Variants in CABIN1 observed in about 807,000 individuals in gnomAD.
CABIN1 encodes calcineurin-binding protein cabin-1.
Under a neutral mutation model 227.7 loss-of-function variants are expected in CABIN1, and 133 were observed. The observed-to-expected ratio is 0.58, with a 90% CI of 0.51 to 0.67. The LOEUF (loss-of-function observed/expected upper bound fraction) is 0.67, where lower values mean the gene tolerates loss of function less well. CABIN1 is among the 30% of genes least tolerant of loss of function. The pLI, the probability that CABIN1 is intolerant of heterozygous loss-of-function variation, is 0.00. For missense variants in CABIN1, 2,408 were observed against 2,852.5 expected (o/e 0.84, Z 3.55); for synonymous variants, 1,086 against 1,155.1 (o/e 0.94, Z 1.21).
intron 23 of CABIN1, among the ~76,000 whole-genome samples, chr22:24,088,176 C>T (rs2147147385): frequency 6.6e-6 from 1 of 152,202 alleles, no homozygotes; most frequent in Middle Eastern, 3.4e-3. Context: ...CCCTTGGCTC[C>T]TTGAGATGGA....
chr22:24,059,860 A>G (rs1429379906), intron 11 of CABIN1, 64 bp from the exon 12 acceptor site: 2 of 1,408,354 alleles, frequency 1.4e-6, no homozygotes, highest in Non-Finnish European at 2.0e-6. Flanking sequence ...CCCAAAGTAA[A>G]TAGGAGACCC....
At chr22:24,077,579 G>A (rs1216658865) in intron 19 of CABIN1, among the ~76,000 whole-genome samples, 4 of 152,174 alleles carry the variant, frequency 2.6e-5, no homozygotes, top group African/African-American at 4.8e-5. Context: ...GAGGGCCTTT[G>A]GGATGCTCAC....
intron 26 of CABIN1, among the ~76,000 whole-genome samples, chr22:24,104,726 G>T (rs562931373): frequency 5.3e-5 from 8 of 152,338 alleles, no homozygotes; most frequent in African/African-American, 1.9e-4. Context: ...TCTGGTGGAC[G>T]TGTTCTTTTC....
chr22:24,177,185 C>CGACA lies in CABIN1; in HGVS notation c.6206-317_6206-314dup, dbSNP rs2047165756. ...GCATCCTAGGATGGTTGTGGAAATA[C>CGACA]GACAGTTCATGCAAGCATGATGCCT... is the stretch of plus-strand genomic sequence containing the variant. On this transcript the variant is annotated intron_variant, in intron 35 of 36. Transcript: ENST00000263119. This position sits in a 1 kb window ranked among gnomAD's most constrained non-coding sequence, Gnocchi z 4.4. 1.3e-5 allele frequency among the ~76,000 whole-genome samples: 2 copies of CGACA among 152,194 alleles called. No individual in the cohort carries two copies.
At chr22:24,034,554 T>A (rs2036727706) in intron 1 of CABIN1, among the ~76,000 whole-genome samples, 1 of 152,248 alleles carries the variant, frequency 6.6e-6, no homozygotes, top group South Asian at 2.1e-4. Flanking sequence ...TTAGAAATAA[T>A]GCCTCTGTGA....
At chr22:24,088,429 G>T (rs2041318211) in intron 23 of CABIN1, among the ~76,000 whole-genome samples, 1 of 152,134 alleles carries the variant, frequency 6.6e-6, no homozygotes, top group Non-Finnish European at 1.5e-5. Flanking sequence ...TCAACATAGT[G>T]AAACCCCATC....
At chr22:24,035,811 C>A (rs1386998519) in intron 2 of CABIN1, among the ~76,000 whole-genome samples, 1 of 152,036 alleles carries the variant, frequency 6.6e-6, no homozygotes, top group East Asian at 1.9e-4. Flanking sequence ...GCTGGGGTGT[C>A]CCCAGTGTCT....
rs962587249 is a variant in CABIN1 at position 24,177,165 on chromosome 22, C to A, written c.6206-339C>A. ...CATAGACACCAATAGGACATGCATC[C>A]TAGGATGGTTGTGGAAATACGACAG... On this transcript the variant is annotated intron_variant, in intron 35 of 36. Transcript: ENST00000263119. The surrounding 1 kb of genome is among the most constrained non-coding windows in gnomAD (Gnocchi z 4.4). Among the ~76,000 whole-genome samples the A allele has an allele frequency of 3.3e-5, 5 of 152,178 alleles. No homozygotes were observed. The highest frequency in any genetic ancestry group is 7.4e-5 in the Non-Finnish European group (5 of 67,998).
At chr22:24,062,343 C>T (rs1376445469) in intron 13 of CABIN1, among the ~76,000 whole-genome samples, 6 of 138,948 alleles carry the variant, frequency 4.3e-5, no homozygotes, top group Admixed American at 2.9e-4. Context: ...TCTGGTGATA[C>T]GGATTTTTTT....
intron 1 of CABIN1, among the ~76,000 whole-genome samples, chr22:24,016,586 A>G (rs1261914890): frequency 4.6e-5 from 7 of 152,230 alleles, no homozygotes. Context: ...TGCAGTTACA[A>G]ACAGTGCTGC....
chr22:24,128,174 C>T (rs1025759391), intron 28 of CABIN1, among the ~76,000 whole-genome samples: 2 of 152,016 alleles, frequency 1.3e-5, no homozygotes, highest in Admixed American at 6.6e-5. Flanking sequence ...TGCCTACTTT[C>T]TTTACACACA....
At chr22:24,050,673 C>T (rs1389727940) in intron 7 of CABIN1, 152 bp from the exon 8 acceptor site, 5 of 858,852 alleles carry the variant, frequency 5.8e-6, no homozygotes, top group African/African-American at 5.0e-5. Context: ...TATTTACTGC[C>T]CTACCCAGGC....
chr22:24,017,279 C>T (rs1033093421), intron 1 of CABIN1, among the ~76,000 whole-genome samples: 4 of 152,194 alleles, frequency 2.6e-5, no homozygotes, highest in African/African-American at 7.2e-5. Flanking sequence ...CCTCCTCATC[C>T]GCCTGCCTCA....
At chr22:24,172,802 G>T (rs558277467) in intron 34 of CABIN1, among the ~76,000 whole-genome samples, 1 of 152,328 alleles carries the variant, frequency 6.6e-6, no homozygotes, top group African/African-American at 2.4e-5. Flanking sequence ...GACACCAGCA[G>T]CTCTGGCAGC....
At chr22:24,063,444 T>C (rs894147810) in intron 14 of CABIN1, among the ~76,000 whole-genome samples, 2 of 152,196 alleles carry the variant, frequency 1.3e-5, no homozygotes, top group Non-Finnish European at 2.9e-5. Flanking sequence ...CAAGATTGCC[T>C]TGGCATCTTG....
chr22:24,112,053 A>C (rs1180980705), intron 26 of CABIN1, among the ~76,000 whole-genome samples: 1 of 152,100 alleles, frequency 6.6e-6, no homozygotes. Flanking sequence ...TATTAATCTT[A>C]GTTATTTTAA....
rs567211319 is a variant in CABIN1 at position 24,016,242 on chromosome 22, A to C, written c.-75+4875A>C. On this transcript the variant is annotated intron_variant, in intron 1 of 36. Transcript: ENST00000263119. ...TTGGACATTTCATGTAAATGGGATCATACAATATGTGGTATTTTGTTACTG... is the reference window on the plus strand; with the variant it reads ...TTGGACATTTCATGTAAATGGGATCCTACAATATGTGGTATTTTGTTACTG... 4.4e-4 allele frequency among the ~76,000 whole-genome samples: 67 copies of C among 152,364 alleles called. No homozygotes were observed. The South Asian group carries it at 6.0e-3, about 14-fold the overall frequency.
At chr22:24,140,110 G>A (rs2044663844) in intron 29 of CABIN1, among the ~76,000 whole-genome samples, 1 of 152,232 alleles carries the variant, frequency 6.6e-6, no homozygotes, top group Non-Finnish European at 1.5e-5. Flanking sequence ...ACCCTCGGGG[G>A]AACTCCTTAG....
intron 14 of CABIN1, among the ~76,000 whole-genome samples, chr22:24,063,832 T>A (rs766072962): frequency 6.6e-6 from 1 of 152,154 alleles, no homozygotes; most frequent in Non-Finnish European, 1.5e-5. Context: ...CCTCGCAGAG[T>A]TGACATGGAC....
Sources: gnomAD v4.1 joint callset for allele counts (sites outside exome capture counted in the v4.1 genomes callset) on GRCh38, gnomAD v4.1.1 for gene constraint, Gnocchi (gnomAD v3.1) non-coding constraint, MANE v1.5 for transcripts, NCBI Gene and HGNC (gene_info 2026-07-23, HGNC 2026-07-21) for gene names.